Variants in KCNH1 observed in about 807,000 individuals in gnomAD.
KCNH1 encodes the protein voltage-gated delayed rectifier potassium channel KCNH1.
A neutral mutation model predicts 69.2 loss-of-function variants in KCNH1; 27 were observed. The observed-to-expected ratio is 0.39, with a 90% CI of 0.29 to 0.54. KCNH1 has a LOEUF of 0.54. Among genes scored for constraint, KCNH1 ranks in the 20% least tolerant of loss-of-function variants. KCNH1 has a pLI of 0.68. For missense variants in KCNH1, 798 were observed against 1,261.6 expected, an observed-to-expected ratio of 0.63 and a Z score of 5.57; for synonymous variants, 456 against 487.7, an observed-to-expected ratio of 0.93 and a Z score of 0.86.
At chr1:210,836,226 T>C (rs1340421434) in intron 7 of KCNH1, among the ~76,000 whole-genome samples, 1 of 152,042 alleles carries the variant, frequency 6.6e-6, no homozygotes, top group Non-Finnish European at 1.5e-5. Context: ...ACAGAATTTA[T>C]GAGGAAGAGA....
intron 5 of KCNH1, among the ~76,000 whole-genome samples, chr1:211,028,089 T>C (rs1166890501): frequency 6.6e-6 from 1 of 152,128 alleles, no homozygotes; most frequent in Non-Finnish European, 1.5e-5. Context: ...TGCTAGTCCA[T>C]AAAATAAACC....
chr1:210,911,479 T>G (rs547423571), intron 7 of KCNH1, among the ~76,000 whole-genome samples: 1 of 152,088 alleles, frequency 6.6e-6, no homozygotes, highest in African/African-American at 2.4e-5. Flanking sequence ...AATATTTTGC[T>G]TCTATGTCTG....
At chr1:210,866,848 G>A (rs1332895098) in intron 7 of KCNH1, among the ~76,000 whole-genome samples, 1 of 152,034 alleles carries the variant, frequency 6.6e-6, no homozygotes, top group Non-Finnish European at 1.5e-5. Context: ...GGCCAAAAAT[G>A]TGAAAACAGC....
intron 10 of KCNH1, among the ~76,000 whole-genome samples, chr1:210,723,094 T>G (rs1479483837): frequency 2.0e-5 from 3 of 152,088 alleles, no homozygotes; most frequent in Non-Finnish European, 2.9e-5. Flanking sequence ...GCAAAGTACT[T>G]AAATCAACAA....
chr1:210,715,473 C>T lies in KCNH1; in HGVS notation c.2113-31335G>A, dbSNP rs564851504. On this transcript the variant is annotated intron_variant, in intron 10 of 10. Transcript: ENST00000271751. ...CTTGAGGCCAGGAGTTCAAGACCAGCCTGCACAATATAGCAAGACCCTGTT... is the reference window on the plus strand; with the variant it reads ...CTTGAGGCCAGGAGTTCAAGACCAGTCTGCACAATATAGCAAGACCCTGTT... 1.8e-3 allele frequency among the ~76,000 whole-genome samples: 276 copies of T among 151,732 alleles called. 2 individuals are homozygous for T. The Middle Eastern group carries it at 0.021, about 11-fold the overall frequency.
At chr1:210,960,944 G>A (rs544545663) in intron 6 of KCNH1, among the ~76,000 whole-genome samples, 2 of 152,090 alleles carry the variant, frequency 1.3e-5, no homozygotes, top group Non-Finnish European at 2.9e-5. Context: ...ATTCTAATAG[G>A]TACATAGTGG....
chr1:210,834,331 T>A (rs1685233822), intron 7 of KCNH1, among the ~76,000 whole-genome samples: 1 of 109,142 alleles, frequency 9.2e-6, no homozygotes, highest in African/African-American at 3.6e-5. Context: ...GTGGCACATA[T>A]ACACCATGGA....
intron 6 of KCNH1, among the ~76,000 whole-genome samples, chr1:211,004,653 T>G (rs1201541389): frequency 6.6e-6 from 1 of 152,004 alleles, no homozygotes; most frequent in Non-Finnish European, 1.5e-5. Flanking sequence ...AACTAAGATA[T>G]CACATCAAAT....
chr1:210,942,862 T>G (rs1256587436), intron 6 of KCNH1, among the ~76,000 whole-genome samples: 1 of 152,268 alleles, frequency 6.6e-6, no homozygotes, highest in East Asian at 1.9e-4. Context: ...TTAAAAGATC[T>G]AGCACTTCTT....
At chr1:210,772,631 C>A in intron 10 of KCNH1, among the ~76,000 whole-genome samples, 1 of 151,944 alleles carries the variant, frequency 6.6e-6, no homozygotes, top group East Asian at 1.9e-4. Context: ...ATTTGAAGGT[C>A]AGCTAGTTTG....
intron 5 of KCNH1, among the ~76,000 whole-genome samples, chr1:211,048,896 C>T (rs1306313522): frequency 2.0e-5 from 3 of 152,010 alleles, no homozygotes; most frequent in Admixed American, 1.3e-4. Context: ...CAGGAGATTC[C>T]GGATGAGAAT....
At chr1:210,740,732 TAC>T (rs1558449300) in intron 10 of KCNH1, among the ~76,000 whole-genome samples, 11 of 131,876 alleles carry the variant, frequency 8.3e-5, no homozygotes, top group African/African-American at 2.4e-4. Context: ...TTTTTTTTTT[TAC>T]TAAAAGAAAC....
At chr1:210,987,687 G>T (rs1688867094) in intron 6 of KCNH1, among the ~76,000 whole-genome samples, 1 of 152,206 alleles carries the variant, frequency 6.6e-6, no homozygotes, top group South Asian at 2.1e-4. Flanking sequence ...GTGTCAGTCT[G>T]CCCCTACTGG....
At chr1:210,832,928 A>ATATATATATATATATAT (rs1269090752) in intron 7 of KCNH1, among the ~76,000 whole-genome samples, 14 of 149,024 alleles carry the variant, frequency 9.4e-5, no homozygotes, top group Non-Finnish European at 1.6e-4. Context: ...ATATACATAT[A>ATATATATATATATATAT]AATTGAATTT....
chr1:211,104,391 T>A (rs1021273608), intron 2 of KCNH1, among the ~76,000 whole-genome samples: 8 of 151,472 alleles, frequency 5.3e-5, no homozygotes, highest in African/African-American at 1.9e-4. Flanking sequence ...AAAAAAAAAA[T>A]TCATTTATTT....
chr1:210,982,368 C>A (rs1458834701), intron 6 of KCNH1, among the ~76,000 whole-genome samples: 1 of 151,986 alleles, frequency 6.6e-6, no homozygotes, highest in African/African-American at 2.4e-5. Context: ...GTGCTGCACC[C>A]ATTAACTCAT....
At chr1:210,707,504 C>G (rs1681942453) in intron 10 of KCNH1, among the ~76,000 whole-genome samples, 2 of 152,168 alleles carry the variant, frequency 1.3e-5, no homozygotes, top group African/African-American at 4.8e-5. Context: ...CTGTGCTCCC[C>G]CCACGCTGTT....
intron 7 of KCNH1, among the ~76,000 whole-genome samples, chr1:210,821,149 G>A (rs903411617): frequency 7.9e-5 from 12 of 152,106 alleles, no homozygotes; most frequent in African/African-American, 2.9e-4. Context: ...ACCTCACCTT[G>A]TTTTACCTAT....
chr1:211,002,316 G>GTA (rs537239997), intron 6 of KCNH1, among the ~76,000 whole-genome samples: 21 of 127,136 alleles, frequency 1.7e-4, no homozygotes, highest in African/African-American at 4.4e-4. Context: ...ATGTATACGT[G>GTA]TATATATATA....
Sources: gnomAD v4.1 joint callset for allele counts (sites outside exome capture counted in the v4.1 genomes callset) on GRCh38, gnomAD v4.1.1 for gene constraint, MANE v1.5 for transcripts, NCBI Gene and HGNC (gene_info 2026-07-23, HGNC 2026-07-21) for gene names.